RYR3: variants seen among roughly 807,000 people sequenced by gnomAD.
RYR3 encodes brain ryanodine receptor-calcium release channel.
In RYR3, 207 loss-of-function variants were observed where a neutral mutation model predicts 584.3. The observed-to-expected ratio is 0.35, with a 90% CI of 0.32 to 0.40. The LOEUF (loss-of-function observed/expected upper bound fraction) is 0.40, where lower values mean the gene tolerates loss of function less well. Among genes scored for constraint, RYR3 ranks in the 10% least tolerant of loss-of-function variants. RYR3 has a pLI of 1.00. For synonymous variants in RYR3, 2,416 were observed against 2,248.5 expected (o/e 1.07, Z -2.11); for missense variants, 5,616 against 6,089.2 (o/e 0.92, Z 2.59).
At position 33,373,237 on chromosome 15, in the gene RYR3, T is replaced by A. The variant is rs2040476337; in HGVS notation, c.51+62141T>A. ...CATCAACTTCTATTTTAGGAATACA[T>A]CTCCATATGGTGTTACAGTCCTTAC... On this transcript the variant is annotated intron_variant, in intron 1 of 103. Coordinates refer to ENST00000634891, the MANE Select transcript of RYR3 (RefSeq NM_001036.6). Among the ~76,000 whole-genome samples, 5 of 152,206 alleles carry A rather than the reference T, an allele frequency of 3.3e-5. No individual in the cohort carries two copies. In the South Asian group the frequency reaches 1.0e-3, roughly 31 times the overall value.
At chr15:33,659,618 C>T (rs539253022) in intron 32 of RYR3, 102 bp from the exon 33 acceptor site, 2 of 730,518 alleles carry the variant, frequency 2.7e-6, no homozygotes, top group African/African-American at 1.7e-5. Flanking sequence ...AGACAGCTAG[C>T]AGTCATTGGA....
chr15:33,645,003 C>T (rs1014716294), intron 28 of RYR3, among the ~76,000 whole-genome samples: 5 of 151,702 alleles, frequency 3.3e-5, no homozygotes, highest in Non-Finnish European at 7.4e-5. Flanking sequence ...CAGAGAGAGA[C>T]CTCGTCTCTT....
chr15:33,336,470 G>A (rs1567046796), intron 1 of RYR3, among the ~76,000 whole-genome samples: 1 of 38,808 alleles, frequency 2.6e-5, no homozygotes, highest in Non-Finnish European at 4.4e-5. Context: ...GAGAGAGAGA[G>A]AGAGAGAGAG....
chr15:33,331,888 T>C (rs1258833930), intron 1 of RYR3, among the ~76,000 whole-genome samples: 1 of 152,036 alleles, frequency 6.6e-6, no homozygotes, highest in Non-Finnish European at 1.5e-5. Context: ...TAATTGCATG[T>C]AAATAGCATG....
Position 33,555,375 on chromosome 15 carries a change from G to A in RYR3, c.972+5059G>A, listed in dbSNP as rs181698428. 2.2e-3 allele frequency among the ~76,000 whole-genome samples: 341 copies of A among 152,264 alleles called. 1 individual carries two copies. Among genetic ancestry groups the A allele is most frequent in the African/African-American group, 8.0e-3 (332 of 41,542 alleles). ...GGAGCAAAGGAGGGAAGGGGAAAGA[G>A]GAAAATACGGATAGTAAGATTCAAA... is the stretch of plus-strand genomic sequence containing the variant. On this transcript the variant is annotated intron_variant, in intron 10 of 103. Coordinates refer to ENST00000634891, the MANE Select transcript of RYR3 (RefSeq NM_001036.6).
At chr15:33,553,506 A>C (rs961941185) in intron 10 of RYR3, among the ~76,000 whole-genome samples, 1 of 152,210 alleles carries the variant, frequency 6.6e-6, no homozygotes, top group Non-Finnish European at 1.5e-5. Flanking sequence ...ACCAAGTCCA[A>C]GAACCAACCA....
chr15:33,461,812 T>C (rs1208398392), intron 1 of RYR3, among the ~76,000 whole-genome samples: 1 of 152,214 alleles, frequency 6.6e-6, no homozygotes, highest in Non-Finnish European at 1.5e-5. Flanking sequence ...TATGTCACCA[T>C]TTCTGCAAAC....
At chr15:33,586,961 T>A (rs140990458) in intron 16 of RYR3, among the ~76,000 whole-genome samples, 3 of 152,226 alleles carry the variant, frequency 2.0e-5, no homozygotes, top group Non-Finnish European at 4.4e-5. Context: ...ACTGCAGCTG[T>A]GCTTCTACAG....
chr15:33,362,991 C>A (rs80244776), intron 1 of RYR3, among the ~76,000 whole-genome samples: 5,694 of 152,256 alleles, frequency 0.037, 143 homozygotes, highest in Non-Finnish European at 0.06. Flanking sequence ...AGGGCAGTGA[C>A]TTTTGGACAT....
chr15:33,852,966 A>C, intron 94 of RYR3, 79 bp from the exon 95 acceptor site: 1 of 1,213,526 alleles, frequency 8.2e-7, no homozygotes, highest in Admixed American at 2.0e-5. Flanking sequence ...AGATCCAGGC[A>C]CTCAAACTGA....
intron 1 of RYR3, among the ~76,000 whole-genome samples, chr15:33,392,156 C>T (rs2141289940): frequency 6.7e-6 from 1 of 149,490 alleles, no homozygotes; most frequent in East Asian, 2.0e-4. Context: ...TTAATTGTTG[C>T]ATCCCTAGAA....
At chr15:33,741,185 G>A (rs2070056622) in intron 51 of RYR3, among the ~76,000 whole-genome samples, 2 of 152,212 alleles carry the variant, frequency 1.3e-5, no homozygotes, top group Non-Finnish European at 2.9e-5. Flanking sequence ...TGAGGAATGT[G>A]AGGAATGGAG....
At chr15:33,726,042 T>C (rs1290965983) in intron 45 of RYR3, among the ~76,000 whole-genome samples, 1 of 147,728 alleles carries the variant, frequency 6.8e-6, no homozygotes, top group Non-Finnish European at 1.5e-5. Context: ...TCAACACTTC[T>C]GTCGTGGCCA....
At chr15:33,764,577 TA>T (rs57528153) in intron 60 of RYR3, among the ~76,000 whole-genome samples, 27,064 of 139,302 alleles carry the variant, frequency 0.19, 2,518 homozygotes, top group South Asian at 0.28. Context: ...AAACCATAAT[TA>T]AAAAAAAAAA....
intron 70 of RYR3, among the ~76,000 whole-genome samples, chr15:33,810,273 A>T (rs2152943813): frequency 6.6e-6 from 1 of 152,326 alleles, no homozygotes; most frequent in South Asian, 2.1e-4. Flanking sequence ...GCATGCGCAG[A>T]AGGAGAAGGC....
chr15:33,337,376 T>C (rs1193090940), intron 1 of RYR3, among the ~76,000 whole-genome samples: 1 of 152,174 alleles, frequency 6.6e-6, no homozygotes, highest in African/African-American at 2.4e-5. Flanking sequence ...AGAGCCTAGG[T>C]AATGTTATAG....
intron 89 of RYR3, 118 bp from the exon 90 acceptor site, chr15:33,840,707 G>A: frequency 1.2e-6 from 1 of 830,120 alleles, no homozygotes; most frequent in South Asian, 1.5e-5. Context: ...CCTGAGAGAA[G>A]CAGAAACATG....
At chr15:33,853,476 A>T (rs2079317949) in intron 95 of RYR3, 79 bp from the exon 96 acceptor site, 5 of 1,519,456 alleles carry the variant, frequency 3.3e-6, no homozygotes, top group Non-Finnish European at 3.5e-6. Flanking sequence ...TAGGGCAGCA[A>T]AGCTCTGAAG....
At chr15:33,825,218 C>G (rs1002107702) in intron 81 of RYR3, among the ~76,000 whole-genome samples, 1 of 152,090 alleles carries the variant, frequency 6.6e-6, no homozygotes, top group East Asian at 1.9e-4. Flanking sequence ...TTAATCAGTG[C>G]TGTTTAAAGT....
Sources: gnomAD v4.1 joint callset for allele counts (sites outside exome capture counted in the v4.1 genomes callset) on GRCh38, gnomAD v4.1.1 for gene constraint, MANE v1.5 for transcripts, NCBI Gene and HGNC (gene_info 2026-07-23, HGNC 2026-07-21) for gene names.